TRIP11: variants seen among roughly 807,000 people sequenced by gnomAD.
TRIP11 encodes the protein thyroid receptor-interacting protein 11.
TRIP11 carries 148 observed loss-of-function variants against 223.1 expected under a neutral mutation model. The ratio of observed to expected loss-of-function variants is 0.66; its 90% CI spans 0.58 to 0.76. The LOEUF (loss-of-function observed/expected upper bound fraction) is 0.76. Ranked by LOEUF, TRIP11 falls within the 30% of genes least tolerant of loss-of-function variation. The pLI is 0.00. For synonymous variants in TRIP11, 762 were observed against 772.6 expected, an observed-to-expected ratio of 0.99 and a Z score of 0.23; for missense variants, 2,043 against 2,222.0, an observed-to-expected ratio of 0.92 and a Z score of 1.62.
At chr14:91,999,181 T>C in intron 13 of TRIP11, 59 bp downstream of exon 13, 1 of 1,553,920 alleles carries the variant, frequency 6.4e-7, no homozygotes, top group East Asian at 2.3e-5. Context: ...AAATACTTAC[T>C]GAGTCTGATA....
chr14:92,007,363 C>T (rs560499475), intron 10 of TRIP11, among the ~76,000 whole-genome samples: 1 of 152,246 alleles, frequency 6.6e-6, no homozygotes, highest in Non-Finnish European at 1.5e-5. Context: ...TAAGAGTCAA[C>T]GAACTATAGC....
In TRIP11 at chr14:92,010,982, C is replaced by G; in HGVS notation, c.1314+4G>C. On this transcript the variant is annotated splice_donor_region_variant and intron_variant, in intron 9 of 20. Transcript: ENST00000267622. Reference sequence around the variant, plus strand: ...AATTCTGCCCCCATTTTTACAGCACCCACCTTTTCTTGACTCAGTAATGAC... The same window carrying G: ...AATTCTGCCCCCATTTTTACAGCACGCACCTTTTCTTGACTCAGTAATGAC... The G allele has an allele frequency of 6.2e-7, 1 of 1,613,714 alleles. No individual in the cohort carries two copies. Among genetic ancestry groups the G allele is most frequent in the Non-Finnish European group, 8.5e-7 (1 of 1,179,842 alleles).
rs182178238 is a variant in TRIP11 at position 91,992,075 on chromosome 14, G to A, written c.5160+1734C>T. Among the ~76,000 whole-genome samples the A allele has an allele frequency of 7.3e-4, 44 of 60,460 alleles. No individual in the cohort carries two copies. The East Asian group carries it at 0.012, about 16-fold the overall frequency. The allele number at this position is 60,460 out of a possible 152,430, so 39.7% of individuals were successfully genotyped here. A position where few individuals can be genotyped will look rare whatever the true frequency, so the allele number is the denominator to read the frequency against. On this transcript the variant is annotated intron_variant, in intron 15 of 20. Coordinates refer to ENST00000267622, the MANE Select transcript of TRIP11 (RefSeq NM_004239.4). The stretch of plus-strand genomic sequence containing the variant: ...CAGCCTGAGCAAAGAGCGAAACGCC[G>A]TCTCAAAAAAAAAAAAAAAAAAAAA...
In TRIP11 at chr14:91,975,627, T is replaced by C. The variant is rs1358590820; in HGVS notation, c.5343-341A>G. Among the ~76,000 whole-genome samples the C allele has an allele frequency of 5.9e-5, 9 of 152,224 alleles. No individual in the cohort carries two copies. In the South Asian group the frequency reaches 1.7e-3, roughly 28 times the overall value. On this transcript the variant is annotated intron_variant, in intron 17 of 20. Transcript: ENST00000267622. ...TGTTCACCTGAAGCAGAAACTTAAA[T>C]GGTGATGACTGTTGTGTTTAATGTT...
chr14:92,012,649 T>C (rs2056986571), intron 7 of TRIP11, among the ~76,000 whole-genome samples: 1 of 151,926 alleles, frequency 6.6e-6, no homozygotes. Context: ...ATAGAGACAC[T>C]CCACACAGAG....
intron 1 of TRIP11, among the ~76,000 whole-genome samples, chr14:92,036,359 A>C (rs1192534948): frequency 6.6e-6 from 1 of 152,228 alleles, no homozygotes; most frequent in African/African-American, 2.4e-5. Flanking sequence ...TTCGGTAGAC[A>C]CAATTCCAGG....
At chr14:92,026,351 C>A (rs943246233) in intron 2 of TRIP11, among the ~76,000 whole-genome samples, 61 of 152,090 alleles carry the variant, frequency 4.0e-4, no homozygotes, top group African/African-American at 1.3e-3. Flanking sequence ...ATTGTATGTA[C>A]CTAAATATTA....
Position 91,968,060 on chromosome 14 carries a change from A to T in TRIP11, c.*1613T>A, listed in dbSNP as rs1444604163. ...TCAGAAAAACAAGTTTCACCCATCA[A>T]CATGGAATTAAGACTTCCAGTCTTC... On this transcript the variant is annotated 3_prime_UTR_variant, in exon 21 of 21. Transcript: ENST00000267622. The T allele has an allele frequency of 1.5e-5, 3 of 201,774 alleles. No individual in the cohort carries two copies. Among genetic ancestry groups the T allele is most frequent in the Non-Finnish European group, 3.1e-5 (3 of 98,090 alleles). The allele number at this position is 201,774 out of a possible 1,614,324, so 12.5% of individuals were successfully genotyped here.
chr14:92,024,218 A>G (rs1012852197), intron 3 of TRIP11, among the ~76,000 whole-genome samples: 2 of 152,080 alleles, frequency 1.3e-5, no homozygotes, highest in African/African-American at 2.4e-5. Flanking sequence ...TCTCTAATAA[A>G]AATTCAAAAA....
At chr14:91,998,380 T>C (rs984656291) in intron 13 of TRIP11, among the ~76,000 whole-genome samples, 3 of 152,230 alleles carry the variant, frequency 2.0e-5, no homozygotes, top group Admixed American at 2.0e-4. Flanking sequence ...CTCAGTGATT[T>C]TGAAAAGTTA....
chr14:92,001,367 A>G (rs892656816), intron 11 of TRIP11, among the ~76,000 whole-genome samples: 2 of 140,806 alleles, frequency 1.4e-5, no homozygotes, highest in African/African-American at 5.4e-5. Flanking sequence ...TTTTCCAAAT[A>G]GTTTTTCAGT....
chr14:92,009,312 C>T (rs538663263), intron 9 of TRIP11, among the ~76,000 whole-genome samples: 3 of 152,254 alleles, frequency 2.0e-5, no homozygotes, highest in African/African-American at 7.2e-5. Flanking sequence ...GAGATTACAG[C>T]GTGAGCCACC....
chr14:91,999,873 C>A, intron 12 of TRIP11, 95 bp downstream of exon 12: 4 of 1,525,358 alleles, frequency 2.6e-6, no homozygotes, highest in Non-Finnish European at 3.6e-6. Context: ...AATCACCTAA[C>A]AGAGAAATTC....
Position 92,015,694 on chromosome 14 carries a change from A to G in TRIP11, c.823+2T>C. 1 of 1,604,674 alleles carries G rather than the reference A, an allele frequency of 6.2e-7. No individual in the cohort carries two copies. The highest frequency in any genetic ancestry group is 8.5e-7 in the Non-Finnish European group (1 of 1,175,462). On this transcript the variant is annotated splice_donor_variant, in intron 6 of 20. Transcript: ENST00000267622. LOFTEE classifies it high-confidence loss of function. ...TAATAATAAAGAAATAAAACTAATA[A>G]CCTTGTTGTAACAGATTTTCAAGTT...
At chr14:91,981,010 ATATTTT>A (rs1243166626) in intron 16 of TRIP11, among the ~76,000 whole-genome samples, 942 of 55,300 alleles carry the variant, frequency 0.017, 2 homozygotes, top group East Asian at 0.044. Flanking sequence ...ATATATATAT[ATATTTT>A]TTTTTTTTTT....
intron 16 of TRIP11, among the ~76,000 whole-genome samples, chr14:91,979,570 TAC>T (rs1807943168): frequency 1.3e-5 from 2 of 152,214 alleles, no homozygotes; most frequent in South Asian, 2.1e-4. Flanking sequence ...TATCAGAACA[TAC>T]AGTTTGTCCC....
chr14:91,968,743 G>A lies in TRIP11; in HGVS notation c.*930C>T, dbSNP rs74071653. 2,237 of 228,368 alleles carry A rather than the reference G, an allele frequency of 9.8e-3. 33 individuals are homozygous for A. The highest frequency in any genetic ancestry group is 0.045 in the African/African-American group (2,048 of 45,066). 14.1% of individuals were successfully genotyped at this position (228,368 alleles called of 1,614,324 possible). On this transcript the variant is annotated 3_prime_UTR_variant, in exon 21 of 21. Transcript: ENST00000267622. ...GGATCTCAAGGGAATTATGCTGAGT[G>A]AAAAAAAGCCAGTCTCAAGAGGGTA...
chr14:92,011,727 C>T, intron 8 of TRIP11, 28 bp downstream of exon 8: 1 of 1,595,372 alleles, frequency 6.3e-7, no homozygotes, highest in Non-Finnish European at 8.6e-7. Flanking sequence ...TGTCTCTATG[C>T]ACATAACATT....
At chr14:92,035,635 T>C (rs1018585882) in intron 1 of TRIP11, among the ~76,000 whole-genome samples, 38 of 151,344 alleles carry the variant, frequency 2.5e-4, no homozygotes, top group African/African-American at 8.5e-4. Context: ...TGGAGTGTAG[T>C]GGCACAATCT....
Sources: allele counts gnomAD v4.1 joint callset (sites outside exome capture counted in the v4.1 genomes callset), GRCh38; gene constraint gnomAD v4.1.1; transcripts MANE v1.5; gene names NCBI Gene and HGNC (gene_info 2026-07-23, HGNC 2026-07-21).